Variants in TINAG observed in about 807,000 individuals in gnomAD.
TINAG encodes the protein tubulointerstitial nephritis antigen.
Under a neutral mutation model 72.7 loss-of-function variants are expected in TINAG, and 83 were observed. That is an observed-to-expected ratio of 1.14 (90% confidence interval 0.96 to 1.37). The LOEUF is 1.37. Among genes scored for constraint, TINAG ranks in the 40% most tolerant of loss-of-function variants. The pLI, the probability that TINAG is intolerant of heterozygous loss-of-function variation, is 0.00. For synonymous variants in TINAG, 234 were observed against 189.9 expected (o/e 1.23, Z -1.91); for missense variants, 685 against 576.6 (o/e 1.19, Z -1.93).
At chr6:54,388,768 C>T (rs747954722) in intron 10 of TINAG, among the ~76,000 whole-genome samples, 1 of 152,016 alleles carries the variant, frequency 6.6e-6, no homozygotes, top group Non-Finnish European at 1.5e-5. Flanking sequence ...TTTGGACTTA[C>T]TCCAACCATC....
rs1289477965 is a variant in TINAG, at chr6:54,349,701, G to T, written c.900-15G>T. 7 of 1,524,494 alleles carry T rather than the reference G, an allele frequency of 4.6e-6. No individual in the cohort carries two copies. Among genetic ancestry groups the T allele is most frequent in the Admixed American group, 1.9e-5 (1 of 53,230 alleles). 94.4% of individuals were successfully genotyped at this position (1,524,494 alleles called of 1,614,324 possible). ...TCCTAAATATTACCTTTGCTTCTTT[G>T]CTTATTCCTCATAGACTGGTATCCC... On this transcript the variant is annotated splice_polypyrimidine_tract_variant and intron_variant, in intron 6 of 10. Coordinates refer to ENST00000259782, the MANE Select transcript of TINAG (RefSeq NM_014464.4).
intron 4 of TINAG, among the ~76,000 whole-genome samples, chr6:54,340,851 G>A (rs997094337): frequency 2.6e-5 from 4 of 151,996 alleles, no homozygotes; most frequent in Admixed American, 6.6e-5. Flanking sequence ...TCATAAAAGC[G>A]ACAAATGCAT....
At chr6:54,375,034 A>T (rs111810933) in intron 9 of TINAG, among the ~76,000 whole-genome samples, 4 of 152,224 alleles carry the variant, frequency 2.6e-5, no homozygotes, top group African/African-American at 9.6e-5. Flanking sequence ...ATCTTCCAAA[A>T]TATTGGAACA....
At chr6:54,348,326 G>C (rs1785175640) in intron 6 of TINAG, among the ~76,000 whole-genome samples, 1 of 152,094 alleles carries the variant, frequency 6.6e-6, no homozygotes, top group Non-Finnish European at 1.5e-5. Flanking sequence ...CTTTCCTTGT[G>C]TACTAGTGCT....
chr6:54,384,942 G>C (rs1582766283), intron 10 of TINAG, among the ~76,000 whole-genome samples: 1 of 152,114 alleles, frequency 6.6e-6, no homozygotes, highest in East Asian at 1.9e-4. Flanking sequence ...TGGTCCATAG[G>C]GCATGTTCAA....
intron 4 of TINAG, among the ~76,000 whole-genome samples, chr6:54,337,602 C>T (rs567390134): frequency 3.7e-4 from 56 of 152,274 alleles, no homozygotes; most frequent in African/African-American, 1.3e-3. Flanking sequence ...TCTGAACAAA[C>T]ATCTCCTACC....
Position 54,361,917 on chromosome 6 carries a change from C to T in TINAG, c.1250+7281C>T, listed in dbSNP as rs1378985056. On this transcript the variant is annotated intron_variant, in intron 9 of 10. Transcript: ENST00000259782. ...CCACAACATGTCCTTAAGCCAAAGC[C>T]TAATTCACAGCAAGGCCCTACCTTT... 5.9e-5 allele frequency among the ~76,000 whole-genome samples: 9 copies of T among 151,656 alleles called. No homozygotes were observed. The Admixed American group carries it at 5.9e-4, about 10-fold the overall frequency.
intron 9 of TINAG, among the ~76,000 whole-genome samples, chr6:54,364,439 G>A (rs1763343742): frequency 6.6e-6 from 1 of 151,178 alleles, no homozygotes; most frequent in South Asian, 2.1e-4. Flanking sequence ...AGAGAATTGA[G>A]GAATTTGGAG....
chr6:54,376,495 C>T lies in TINAG; in HGVS notation c.1251-4031C>T, dbSNP rs1468228694. Among the ~76,000 whole-genome samples the T allele has an allele frequency of 2.6e-5, 4 of 152,140 alleles. No individual in the cohort carries two copies. The East Asian group carries it at 5.8e-4, about 22-fold the overall frequency. On this transcript the variant is annotated intron_variant, in intron 9 of 10. Transcript: ENST00000259782. ...ATTTATGGCATCTAATATGACTTCA[C>T]TGGGTGTATGGGCCTCATTGACAAA...
chr6:54,372,347 A>C (rs1763645102), intron 9 of TINAG, among the ~76,000 whole-genome samples: 1 of 152,020 alleles, frequency 6.6e-6, no homozygotes, highest in African/African-American at 2.4e-5. Flanking sequence ...TGTGAAATAA[A>C]ATGTTATTAG....
At chr6:54,309,836 G>C (rs1784197200) in intron 1 of TINAG, among the ~76,000 whole-genome samples, 1 of 93,204 alleles carries the variant, frequency 1.1e-5, no homozygotes, top group Non-Finnish European at 2.0e-5. Context: ...GTCAGAGCAA[G>C]ACTGTGTCAA....
At chr6:54,351,008 G>A (rs909281739) in intron 7 of TINAG, among the ~76,000 whole-genome samples, 25 of 151,762 alleles carry the variant, frequency 1.6e-4, no homozygotes, top group Admixed American at 1.1e-3. Context: ...AAGCTACTGA[G>A]ACATCTAACT....
intron 4 of TINAG, among the ~76,000 whole-genome samples, chr6:54,327,776 C>G (rs753923425): frequency 6.6e-6 from 1 of 152,018 alleles, no homozygotes; most frequent in African/African-American, 2.4e-5. Flanking sequence ...GAGGGAGGGG[C>G]GTCGGCCATT....
Position 54,308,538 on chromosome 6 carries a change from T to G in TINAG, c.-13T>G. ...TATAACGGAAAGTGGAAGCTATACC[T>G]GACTTCCAGAGAATGTGGACCGGAT... On this transcript the variant is annotated 5_prime_UTR_variant, in exon 1 of 11. Transcript: ENST00000259782. 6.3e-7 allele frequency: 1 copy of G among 1,598,792 alleles called. No individual in the cohort carries two copies. Among genetic ancestry groups the G allele is most frequent in the Non-Finnish European group, 8.5e-7 (1 of 1,173,014 alleles).
intron 8 of TINAG, among the ~76,000 whole-genome samples, chr6:54,353,711 T>A (rs1785322135): frequency 6.6e-6 from 1 of 151,892 alleles, no homozygotes; most frequent in Admixed American, 6.6e-5. Flanking sequence ...TTAAAGGATC[T>A]GTCAAACACT....
intron 4 of TINAG, among the ~76,000 whole-genome samples, chr6:54,340,803 G>C (rs1402364208): frequency 6.6e-6 from 1 of 152,034 alleles, no homozygotes; most frequent in Non-Finnish European, 1.5e-5. Flanking sequence ...TATTGAGACG[G>C]ATTCACCATT....
At chr6:54,364,044 G>A (rs146885206) in intron 9 of TINAG, among the ~76,000 whole-genome samples, 338 of 151,620 alleles carry the variant, frequency 2.2e-3, no homozygotes, top group African/African-American at 7.5e-3. Flanking sequence ...GAGCTAGAAG[G>A]TTAGGTTATC....
chr6:54,325,331 A>G (rs1784579323), intron 3 of TINAG, among the ~76,000 whole-genome samples: 3 of 152,234 alleles, frequency 2.0e-5, no homozygotes, highest in Non-Finnish European at 1.5e-5. Context: ...CTCCGTGTTT[A>G]TCAGAGAATA....
chr6:54,336,772 C>T (rs1388260528), intron 4 of TINAG, among the ~76,000 whole-genome samples: 3 of 152,016 alleles, frequency 2.0e-5, no homozygotes, highest in South Asian at 2.1e-4. Flanking sequence ...TATTTGGAAA[C>T]AATTAAAATA....
Sources: gnomAD v4.1 joint callset for allele counts (sites outside exome capture counted in the v4.1 genomes callset) on GRCh38, gnomAD v4.1.1 for gene constraint, MANE v1.5 for transcripts, NCBI Gene and HGNC (gene_info 2026-07-23, HGNC 2026-07-21) for gene names.